The following MYO18B variants were observed in gnomAD, a reference collection of about 807,000 sequenced individuals.
MYO18B encodes the protein unconventional myosin-XVIIIb.
MYO18B carries 204 observed loss-of-function variants against 273.0 expected under a neutral mutation model. That is an observed-to-expected ratio of 0.75 (90% CI 0.67 to 0.84). The LOEUF (loss-of-function observed/expected upper bound fraction) is 0.84. Among genes scored for constraint, MYO18B ranks in the 40% least tolerant of loss-of-function variants. The pLI, the probability that MYO18B is intolerant of heterozygous loss-of-function variation, is 0.00. For synonymous variants in MYO18B, 1,330 were observed against 1,305.7 expected (o/e 1.02, Z -0.40); for missense variants, 3,212 against 3,287.6 (o/e 0.98, Z 0.56).
At chr22:25,935,523 G>A (rs185266430) in intron 34 of MYO18B, among the ~76,000 whole-genome samples, 23 of 152,118 alleles carry the variant, frequency 1.5e-4, no homozygotes, top group Non-Finnish European at 2.8e-4. Context: ...GTGAGGGGGA[G>A]GTGAGAGGTT....
intron 11 of MYO18B, 137 bp from the exon 12 acceptor site, chr22:25,797,816 G>C (rs1006344967): frequency 8.0e-7 from 1 of 1,253,614 alleles, no homozygotes; most frequent in Non-Finnish European, 1.1e-6. Context: ...GTACTCCTCA[G>C]CTTAATTGTG....
intron 21 of MYO18B, among the ~76,000 whole-genome samples, chr22:25,855,432 C>A (rs374934771): frequency 6.6e-6 from 1 of 151,920 alleles, no homozygotes; most frequent in Admixed American, 6.6e-5. Context: ...TTCAGGCGCC[C>A]GCCACCACGC....
intron 39 of MYO18B, among the ~76,000 whole-genome samples, chr22:25,978,677 GGCATGGTCGCTCAT>G (rs1232027303): frequency 3.9e-5 from 6 of 152,294 alleles, no homozygotes; most frequent in Admixed American, 6.5e-5. Flanking sequence ...ATCCTGGCCA[GGCATGGTCGCTCAT>G]GCCTGTAATC....
At chr22:25,788,403 A>G (rs5761184) in intron 11 of MYO18B, among the ~76,000 whole-genome samples, 143,193 of 152,202 alleles carry the variant, frequency 0.94, 67,727 homozygotes, top group Non-Finnish European at 0.99. Context: ...TTAAATGTGA[A>G]TTTCAGATAA....
In MYO18B at chr22:25,946,245, A is replaced by C; in HGVS notation, c.5626A>C (p.Ser1876Arg). The change falls in exon 35 of 44, where the codon AGC becomes CGC. Residue 1876 changes from serine (S) to arginine (R), a missense_variant. Transcript: ENST00000335473. ...GCTGGAGAACATGACGCGGAACAAG[A>C]GCCTGGTACCTGTCCCTTCCTGCAG... ...SELENMTRNK[S>R]LVDEQLYRLQ... is the part of the protein sequence containing the mutation. The C allele has an allele frequency of 6.4e-7, 1 of 1,570,140 alleles. No homozygotes were observed. The highest frequency in any genetic ancestry group is 8.6e-7 in the Non-Finnish European group (1 of 1,159,018).
intron 42 of MYO18B, among the ~76,000 whole-genome samples, chr22:26,011,862 T>C (rs1402268025): frequency 6.6e-6 from 1 of 152,260 alleles, no homozygotes; most frequent in African/African-American, 2.4e-5. Context: ...TGCTAATTAC[T>C]GTTGTATGTA....
intron 42 of MYO18B, among the ~76,000 whole-genome samples, chr22:26,021,902 G>C (rs995872208): frequency 4.6e-5 from 7 of 152,218 alleles, no homozygotes; most frequent in Non-Finnish European, 1.0e-4. Context: ...GTCAGGGGTA[G>C]CTGTTGTGAC....
Position 25,828,934 on chromosome 22 carries a change from G to C in MYO18B, c.2945G>C (p.Arg982Pro), listed in dbSNP as rs759388866. The C allele has an allele frequency of 1.2e-6, 2 of 1,613,856 alleles. No individual in the cohort carries two copies. Among genetic ancestry groups the C allele is most frequent in the East Asian group, 2.2e-5 (1 of 44,894 alleles). The change falls in exon 15 of 44, where the codon CGG becomes CCG. Residue 982 changes from arginine to proline, a missense_variant. By Grantham distance (103) the Arg-to-Pro change is moderately radical (BLOSUM62 -2). Transcript: ENST00000335473. Reference protein sequence around the residue: ...HERLQLLFYQRTFVSTLQRYQ... With the variant: ...HERLQLLFYQPTFVSTLQRYQ... ...CGCCTGCAGCTGCTGTTCTACCAGC[G>C]GACCTTTGTCTCCACGCTACAGCGA...
chr22:26,037,518 C>G, the MYO18B span, among the ~76,000 whole-genome samples: 3 of 152,136 alleles, frequency 2.0e-5, no homozygotes, highest in Non-Finnish European at 4.4e-5. Flanking sequence ...CCTGGTTGTC[C>G]GGCCAGTACA....
At chr22:26,022,116 T>C (rs997478108) in intron 42 of MYO18B, among the ~76,000 whole-genome samples, 1 of 152,008 alleles carries the variant, frequency 6.6e-6, no homozygotes, top group Non-Finnish European at 1.5e-5. Context: ...TCCTGCCTCA[T>C]AGTGACTCTG....
intron 12 of MYO18B, among the ~76,000 whole-genome samples, chr22:25,820,883 T>C (rs965893124): frequency 1.3e-5 from 2 of 152,182 alleles, no homozygotes; most frequent in Non-Finnish European, 2.9e-5. Flanking sequence ...CTTTCTACTT[T>C]TATGAAATCT....
chr22:25,804,231 G>A (rs1458062445), intron 12 of MYO18B, among the ~76,000 whole-genome samples: 2 of 152,068 alleles, frequency 1.3e-5, no homozygotes, highest in African/African-American at 4.8e-5. Flanking sequence ...CCACCAGAGT[G>A]GCCCTTTTCA....
chr22:25,864,902 G>A (rs1353293150), intron 21 of MYO18B, among the ~76,000 whole-genome samples: 2 of 152,210 alleles, frequency 1.3e-5, no homozygotes, highest in Non-Finnish European at 2.9e-5. Flanking sequence ...TGGAAGAGGT[G>A]ATTCCATAAA....
intron 12 of MYO18B, among the ~76,000 whole-genome samples, chr22:25,803,744 A>G (rs1268886973): frequency 6.6e-6 from 1 of 152,110 alleles, no homozygotes; most frequent in Non-Finnish European, 1.5e-5. Flanking sequence ...GAGTGATGAA[A>G]CGCAACGATG....
At chr22:26,054,503 G>T in the MYO18B span, among the ~76,000 whole-genome samples, 2 of 152,218 alleles carry the variant, frequency 1.3e-5, no homozygotes, top group Non-Finnish European at 2.9e-5. Context: ...AGAACAAGCT[G>T]TGTTGAACCT....
rs528745013 is a variant in MYO18B at position 25,746,802 on chromosome 22, G to A, written c.-110+4509G>A. ...GGCTACTGTATTAGTACAGCTCTAG[G>A]TAGCAACACAGTAGTGGATAGAAAA... On this transcript the variant is annotated intron_variant, in intron 1 of 43. Transcript: ENST00000335473. 2.0e-5 allele frequency among the ~76,000 whole-genome samples: 3 copies of A among 152,296 alleles called. No homozygotes were observed. In the East Asian group the frequency reaches 5.8e-4, roughly 29 times the overall value.
downstream of MYO18B, among the ~76,000 whole-genome samples, chr22:26,035,524 G>A (rs1345147196): frequency 6.6e-6 from 1 of 152,196 alleles, no homozygotes; most frequent in Non-Finnish European, 1.5e-5. Context: ...GCTGCTAGGA[G>A]GGCTTCTGAA....
intron 34 of MYO18B, among the ~76,000 whole-genome samples, chr22:25,922,638 C>G (rs945349706): frequency 6.6e-6 from 1 of 152,174 alleles, no homozygotes; most frequent in African/African-American, 2.4e-5. Context: ...TTCCTCCAGT[C>G]AGAGGCTGAG....
At chr22:26,010,463 C>G (rs1934819740) in intron 42 of MYO18B, among the ~76,000 whole-genome samples, 1 of 151,008 alleles carries the variant, frequency 6.6e-6, no homozygotes, top group Non-Finnish European at 1.5e-5. Flanking sequence ...GATCTGTTTT[C>G]TAATACAACC....
Sources: allele counts gnomAD v4.1 joint callset (sites outside exome capture counted in the v4.1 genomes callset), GRCh38; gene constraint gnomAD v4.1.1; transcripts MANE v1.5; gene names NCBI Gene and HGNC (gene_info 2026-07-23, HGNC 2026-07-21).